Variants in PRDM16 observed in about 807,000 individuals in gnomAD.
PRDM16 encodes the protein histone-lysine N-methyltransferase PRDM16.
In PRDM16, 23 loss-of-function variants were observed where a neutral mutation model predicts 110.6. The ratio of observed to expected loss-of-function variants is 0.21; its 90% CI spans 0.15 to 0.29. PRDM16 has a LOEUF of 0.29. Among genes scored for constraint, PRDM16 ranks in the 10% least tolerant of loss-of-function variants. The pLI is 1.00. For missense variants in PRDM16, 1,615 were observed against 1,794.3 expected, an observed-to-expected ratio of 0.90 and a Z score of 1.81; for synonymous variants, 799 against 781.8, an observed-to-expected ratio of 1.02 and a Z score of -0.37.
chr1:3,202,964 T>C (rs965311482), intron 2 of PRDM16, among the ~76,000 whole-genome samples: 8 of 152,218 alleles, frequency 5.3e-5, no homozygotes, highest in African/African-American at 1.9e-4. Flanking sequence ...GGAGTTTTCT[T>C]TGACGGAATC....
intron 3 of PRDM16, among the ~76,000 whole-genome samples, chr1:3,346,950 C>G (rs535242664): frequency 6.6e-6 from 1 of 152,372 alleles, no homozygotes; most frequent in East Asian, 1.9e-4. Context: ...CAGGCAGGCC[C>G]TGGGGACACC....
intron 3 of PRDM16, among the ~76,000 whole-genome samples, chr1:3,311,092 G>T (rs1472966279): frequency 6.6e-6 from 1 of 152,236 alleles, no homozygotes; most frequent in Non-Finnish European, 1.5e-5. Flanking sequence ...CCCAGCTTCA[G>T]GGGTGCCTGT....
At position 3,069,334 on chromosome 1, in the gene PRDM16, G is replaced by A. The variant is rs753850064; in HGVS notation, c.37+38G>A. On this transcript the variant is annotated intron_variant, in intron 1 of 16. Coordinates refer to ENST00000270722, the MANE Select transcript of PRDM16 (RefSeq NM_022114.4). This position sits in a 1 kb window ranked among gnomAD's most constrained non-coding sequence, Gnocchi z 6.1. ...CGCTCGGCCGCGCCGCGCCGCCGGG[G>A]CCCGGGCCGCCGGGCCGGGGCGCCC... 2.2e-4 allele frequency: 237 copies of A among 1,075,078 alleles called. 1 individual carries two copies. In the Middle Eastern group the frequency reaches 4.2e-3, roughly 19 times the overall value. The allele number at this position is 1,075,078 out of a possible 1,614,324, so 66.6% of individuals were successfully genotyped here.
chr1:3,402,848 T>G lies in PRDM16; in HGVS notation c.734T>G (p.Leu245Arg). The stretch of plus-strand genomic sequence containing the variant: ...GAACTCTTCCAGTCCAAGCTGGACC[T>G]GCGGCGCCATAAGAAGTACACGTGT... ...CDELFQSKLD[L>R]RRHKKYTCGS... The change falls in exon 6 of 17, where the codon CTG (leucine) becomes CGG (arginine). Residue 245 changes from leucine to arginine, a missense_variant. By Grantham distance (102) the Leu-to-Arg change is moderately radical. Around this residue, in one of 5 missense-constraint regions of PRDM16, gnomAD observed 416 missense variants for 467.1 expected, o/e 0.89. Transcript: ENST00000270722. 6.2e-7 allele frequency: 1 copy of G among 1,613,066 alleles called. No homozygotes were observed. The highest frequency in any genetic ancestry group is 8.5e-7 in the Non-Finnish European group (1 of 1,179,958).
chr1:3,271,677 C>T (rs540944473), intron 3 of PRDM16, among the ~76,000 whole-genome samples: 7 of 152,308 alleles, frequency 4.6e-5, no homozygotes, highest in Admixed American at 2.0e-4. Flanking sequence ...TCGGGGCAAG[C>T]CCAGGCTGCC....
At chr1:3,276,988 A>C (rs528034602) in intron 3 of PRDM16, among the ~76,000 whole-genome samples, 1 of 151,996 alleles carries the variant, frequency 6.6e-6, no homozygotes, top group Admixed American at 6.5e-5. Flanking sequence ...TGCCATCACC[A>C]ATCCGTTTGA....
intron 1 of PRDM16, among the ~76,000 whole-genome samples, chr1:3,154,077 TTGTC>T (rs1191765109): frequency 1.3e-5 from 2 of 152,076 alleles, no homozygotes; most frequent in Admixed American, 6.5e-5. Flanking sequence ...CTGCGGCCCT[TTGTC>T]TGTGAGTTTC....
At position 3,248,827 on chromosome 1, in the gene PRDM16, C is replaced by T. The variant is rs558986645; in HGVS notation, c.438+4690C>T. ...CTGTCCCACTGGGCTGTTCTGTGGG[C>T]GTTTTCTATAGCCCGGCCCGGGCAA... On this transcript the variant is annotated intron_variant, in intron 3 of 16. Transcript: ENST00000270722. Among the ~76,000 whole-genome samples the T allele has an allele frequency of 2.9e-4, 44 of 152,308 alleles. 1 individual carries two copies. The highest frequency in any genetic ancestry group is 2.3e-3 in the Admixed American group (35 of 15,306).
intron 3 of PRDM16, among the ~76,000 whole-genome samples, chr1:3,316,649 C>CACAGTGACACAGGGCAGACAGGAA (rs1641609468): frequency 6.9e-6 from 1 of 145,222 alleles, no homozygotes; most frequent in Non-Finnish European, 1.5e-5. Flanking sequence ...AAAACAGTGA[C>CACAGTGACACAGGGCAGACAGGAA]ACAGTGACAC....
intron 1 of PRDM16, among the ~76,000 whole-genome samples, chr1:3,129,388 C>CGTGT (rs764877018): frequency 7.1e-6 from 1 of 141,160 alleles, no homozygotes; most frequent in Non-Finnish European, 1.5e-5. Flanking sequence ...TGCGTGTGCA[C>CGTGT]GTGTGTGTGT....
intron 3 of PRDM16, chr1:3,307,152 C>G (rs1641334464): frequency 6.6e-6 from 1 of 152,232 alleles, no homozygotes. Context: ...TATTTTCAAG[C>G]TTTTGTGAAG....
At chr1:3,294,410 T>G (rs1371344368) in intron 3 of PRDM16, among the ~76,000 whole-genome samples, 5 of 151,770 alleles carry the variant, frequency 3.3e-5, no homozygotes, top group Non-Finnish European at 5.9e-5. Flanking sequence ...CACCTCAGGG[T>G]TTTCTCTTCC....
At chr1:3,419,587 A>G (rs1334311618) in intron 12 of PRDM16, among the ~76,000 whole-genome samples, 1 of 152,188 alleles carries the variant, frequency 6.6e-6, no homozygotes, top group Non-Finnish European at 1.5e-5. Context: ...TGGTTTAGTG[A>G]CACATGCAGG....
chr1:3,263,948 G>C (rs945876015), intron 3 of PRDM16, among the ~76,000 whole-genome samples: 1 of 152,112 alleles, frequency 6.6e-6, no homozygotes, highest in African/African-American at 2.4e-5. Context: ...CGCCCTCTCT[G>C]TGACCCCCAC....
In PRDM16 at chr1:3,412,120, G is replaced by A. The variant is rs778028723; in HGVS notation, c.1923G>A (p.Lys641=). Residue 641 remains lysine, a synonymous_variant, in exon 9 of 17, where the codon AAG becomes AAA. Coordinates refer to ENST00000270722, the MANE Select transcript of PRDM16 (RefSeq NM_022114.4). ...SDPDKDKGKG[K]SAEGQPKFGG... ...CTGACAAGGACAAGGGCAAGGGCAA[G>A]TCCGCCGAGGGCCAGCCCAAGTTTG... is the stretch of plus-strand genomic sequence containing the variant. 1 of 1,569,584 alleles carries A rather than the reference G, an allele frequency of 6.4e-7. No homozygotes were observed. The highest frequency in any genetic ancestry group is 1.4e-5 in the African/African-American group (1 of 73,518).
rs570286557 is a variant in PRDM16, at chr1:3,159,304, G to T, written c.38-26821G>T. On this transcript the variant is annotated intron_variant, in intron 1 of 16. Coordinates refer to ENST00000270722, the MANE Select transcript of PRDM16 (RefSeq NM_022114.4). ...ATTCGCCAGCAAGGGCCGCCATCAC[G>T]ATGCGCCTCGCAGACCGCAGGGCTT... is the stretch of plus-strand genomic sequence containing the variant. 2.3e-4 allele frequency among the ~76,000 whole-genome samples: 35 copies of T among 152,242 alleles called. 3 individuals carry two copies. The highest frequency in any genetic ancestry group is 7.0e-4 in the African/African-American group (29 of 41,460).
intron 3 of PRDM16, among the ~76,000 whole-genome samples, chr1:3,356,857 G>C (rs572977352): frequency 1.3e-5 from 2 of 152,286 alleles, no homozygotes; most frequent in East Asian, 3.9e-4. Flanking sequence ...AAACTGTAGG[G>C]ACCCTCAGAA....
In PRDM16 at chr1:3,414,745, C is replaced by T. The variant is rs1233490407; in HGVS notation, c.2691+98C>T. On this transcript the variant is annotated intron_variant, in intron 10 of 16. Transcript: ENST00000270722. ...TCAGTGGCCAGGCTGGAGCCTAAGT[C>T]CCCGTCCAGGCCATACCACGCACAG... 1.4e-5 allele frequency: 13 copies of T among 921,430 alleles called. No individual in the cohort carries two copies. In the East Asian group the frequency reaches 3.3e-4, roughly 24 times the overall value. 57.1% of individuals were successfully genotyped at this position (921,430 alleles called of 1,614,324 possible).
intron 1 of PRDM16, among the ~76,000 whole-genome samples, chr1:3,126,239 G>C (rs546578332): frequency 6.6e-6 from 1 of 152,156 alleles, no homozygotes; most frequent in Non-Finnish European, 1.5e-5. Flanking sequence ...CGCAGCTCTC[G>C]CCGCCGCCGC....
Sources: allele counts gnomAD v4.1 joint callset (sites outside exome capture counted in the v4.1 genomes callset), GRCh38; gene constraint gnomAD v4.1.1; regional missense constraint gnomAD v4.1.1; non-coding constraint Gnocchi (gnomAD v3.1); transcripts MANE v1.5; gene names NCBI Gene and HGNC (gene_info 2026-07-23, HGNC 2026-07-21).